The following SASH1 variants were observed in gnomAD, a reference collection of about 807,000 sequenced individuals.
The protein encoded by SASH1 is SAM and SH3 domain containing 1, also known as SAM and SH3 domain-containing protein 1.
Under a neutral mutation model 125.2 loss-of-function variants are expected in SASH1, and 44 were observed. That is an observed-to-expected ratio of 0.35 (90% CI 0.28 to 0.45). SASH1 has a LOEUF of 0.45. Among genes scored for constraint, SASH1 ranks in the 20% least tolerant of loss-of-function variants. The pLI is 1.00. For synonymous variants in SASH1, 639 were observed against 649.1 expected, an observed-to-expected ratio of 0.98 and a Z score of 0.24; for missense variants, 1,426 against 1,614.5, an observed-to-expected ratio of 0.88 and a Z score of 2.00.
At chr6:148,261,860 C>T in the SASH1 span, among the ~76,000 whole-genome samples, 1 of 152,206 alleles carries the variant, frequency 6.6e-6, no homozygotes, top group African/African-American at 2.4e-5. Flanking sequence ...TGAAATTAGG[C>T]ATGGTGGGGG....
chr6:148,289,554 A>G (rs1582921041), intron 1 of SASH1, among the ~76,000 whole-genome samples: 1 of 152,326 alleles, frequency 6.6e-6, no homozygotes, highest in East Asian at 1.9e-4. Context: ...TGCCTTTGCC[A>G]TGGTAAAGTA....
the SASH1 span, among the ~76,000 whole-genome samples, chr6:148,231,289 C>T: frequency 6.6e-6 from 1 of 152,200 alleles, no homozygotes; most frequent in Non-Finnish European, 1.5e-5. Flanking sequence ...ATTGACCATA[C>T]ATGTTAAGGT....
intron 1 of SASH1, among the ~76,000 whole-genome samples, chr6:148,350,134 C>A (rs1384276002): frequency 6.6e-6 from 1 of 152,212 alleles, no homozygotes; most frequent in Admixed American, 6.5e-5. Flanking sequence ...TGTGAGCCAC[C>A]GCGCCCGGCA....
chr6:148,442,556 C>T (rs34756641), intron 4 of SASH1, among the ~76,000 whole-genome samples: 6,835 of 151,896 alleles, frequency 0.045, 209 homozygotes, highest in Non-Finnish European at 0.067. Flanking sequence ...CTGCCCCCCA[C>T]ATACACCACC....
chr6:148,309,102 A>T (rs1041246653), intron 1 of SASH1, among the ~76,000 whole-genome samples: 11 of 134,476 alleles, frequency 8.2e-5, no homozygotes, highest in Non-Finnish European at 1.6e-4. Context: ...AAAAAAAAAA[A>T]AGATTCTCTT....
At chr6:148,409,895 C>T (rs1295251075) in intron 2 of SASH1, among the ~76,000 whole-genome samples, 1 of 151,896 alleles carries the variant, frequency 6.6e-6, no homozygotes, top group Non-Finnish European at 1.5e-5. Context: ...GCCGAGATTG[C>T]ACCACTGCAC....
chr6:148,425,753 T>C (rs1291076933), intron 2 of SASH1, among the ~76,000 whole-genome samples: 24 of 138,518 alleles, frequency 1.7e-4, no homozygotes, highest in African/African-American at 2.9e-4. Flanking sequence ...TTTTTTTTTT[T>C]CCCTGTCCCC....
At chr6:148,421,210 AAAGAAAAAGAAAG>A (rs1300624118) in intron 2 of SASH1, among the ~76,000 whole-genome samples, 2 of 138,292 alleles carry the variant, frequency 1.4e-5, no homozygotes, top group Non-Finnish European at 3.4e-5. Flanking sequence ...AGAAAGAAAG[AAAGAAAAAGAAAG>A]AAAGAAGGAA....
chr6:148,469,584 T>G (rs1332631098), intron 5 of SASH1, among the ~76,000 whole-genome samples: 3 of 151,906 alleles, frequency 2.0e-5, no homozygotes, highest in South Asian at 2.1e-4. Flanking sequence ...AATTTAAAAA[T>G]TAGGTGGGCA....
At chr6:148,234,409 G>T in the SASH1 span, among the ~76,000 whole-genome samples, 2 of 151,584 alleles carry the variant, frequency 1.3e-5, no homozygotes, top group South Asian at 4.2e-4. Flanking sequence ...CTGAATATCC[G>T]TATTTGGCTT....
the SASH1 span, among the ~76,000 whole-genome samples, chr6:148,221,216 A>C: frequency 6.6e-6 from 1 of 152,216 alleles, no homozygotes; most frequent in East Asian, 1.9e-4. Context: ...TATTATTAAC[A>C]GGCCCAATAA....
the SASH1 span, among the ~76,000 whole-genome samples, chr6:148,235,369 CA>C: frequency 4.6e-5 from 7 of 152,108 alleles, no homozygotes; most frequent in Non-Finnish European, 8.8e-5. Context: ...TATCTCTAAT[CA>C]AAAAGATATT....
intron 4 of SASH1, among the ~76,000 whole-genome samples, chr6:148,452,943 G>A (rs954359599): frequency 6.6e-6 from 1 of 152,254 alleles, no homozygotes; most frequent in African/African-American, 2.4e-5. Context: ...TGAAGCGTGC[G>A]TTTGTGCAGG....
chr6:148,406,751 G>C (rs567849223), intron 2 of SASH1, among the ~76,000 whole-genome samples: 1 of 152,110 alleles, frequency 6.6e-6, no homozygotes, highest in Non-Finnish European at 1.5e-5. Context: ...GCTCTCCAAG[G>C]GAGGAGCAGA....
At chr6:148,305,427 A>T (rs563089574) in intron 1 of SASH1, among the ~76,000 whole-genome samples, 1 of 152,310 alleles carries the variant, frequency 6.6e-6, no homozygotes, top group South Asian at 2.1e-4. Flanking sequence ...CCAAGAGACC[A>T]GCCTGGTCAA....
intron 4 of SASH1, among the ~76,000 whole-genome samples, chr6:148,466,904 T>A (rs1262417859): frequency 6.6e-6 from 1 of 152,086 alleles, no homozygotes; most frequent in East Asian, 1.9e-4. Context: ...TCCATCTTCC[T>A]TCCTGGTGGT....
chr6:148,313,775 T>C (rs1425971044), intron 1 of SASH1, among the ~76,000 whole-genome samples: 1 of 152,214 alleles, frequency 6.6e-6, no homozygotes, highest in African/African-American at 2.4e-5. Flanking sequence ...TACTGCTACC[T>C]GCTCCTTCTG....
intron 1 of SASH1, among the ~76,000 whole-genome samples, chr6:148,285,711 T>C (rs1779464390): frequency 6.6e-6 from 1 of 152,214 alleles, no homozygotes; most frequent in Non-Finnish European, 1.5e-5. Flanking sequence ...AGTGAAATGT[T>C]CTGAGCATAT....
At chr6:148,272,366 C>A (rs1467265364) in exon 1 of SASH1, 1 of 470,782 alleles carries the variant, frequency 2.1e-6, no homozygotes, top group African/African-American at 2.0e-5. Flanking sequence ...CATGGAGGAA[C>A]AAGATTGCAG....
Sources: allele counts gnomAD v4.1 joint callset (sites outside exome capture counted in the v4.1 genomes callset), GRCh38; gene constraint gnomAD v4.1.1; transcripts MANE v1.5; gene names NCBI Gene and HGNC (gene_info 2026-07-23, HGNC 2026-07-21).